Variants in EIF5B observed in about 807,000 individuals in gnomAD.
EIF5B encodes the protein eIF-5B.
EIF5B carries 47 observed loss-of-function variants against 147.5 expected under a neutral mutation model. That is an observed-to-expected ratio of 0.32 (90% CI 0.25 to 0.41). EIF5B has a LOEUF of 0.41. Among genes scored for constraint, EIF5B ranks in the 10% least tolerant of loss-of-function variants. The pLI is 1.00. For synonymous variants in EIF5B, 455 were observed against 456.2 expected, an observed-to-expected ratio of 1.00 and a Z score of 0.03; for missense variants, 1,064 against 1,413.2, an observed-to-expected ratio of 0.75 and a Z score of 3.96.
intron 21 of EIF5B, among the ~76,000 whole-genome samples, chr2:99,396,483 C>A (rs760450341): frequency 6.6e-6 from 1 of 152,202 alleles, no homozygotes. Context: ...GAACAGAATG[C>A]TCCTGTGATG....
chr2:99,360,208 A>G (rs1381517134), intron 1 of EIF5B, 28 bp from the exon 2 acceptor site: 5 of 1,565,350 alleles, frequency 3.2e-6, no homozygotes, highest in East Asian at 2.3e-5. Flanking sequence ...TTTAAGTAGC[A>G]TTTAGGATGT....
At chr2:99,386,048 A>G (rs1199093710) in intron 14 of EIF5B, among the ~76,000 whole-genome samples, 1 of 152,258 alleles carries the variant, frequency 6.6e-6, no homozygotes, top group South Asian at 2.1e-4. Context: ...CATTACATGT[A>G]TAAAGGGTTT....
In EIF5B at chr2:99,361,769, G is replaced by A. The variant is rs1435089342; in HGVS notation, c.868G>A (p.Gly290Arg). 1.9e-6 allele frequency: 3 copies of A among 1,575,256 alleles called. No individual in the cohort carries two copies. The highest frequency in any genetic ancestry group is 1.7e-6 in the Non-Finnish European group (2 of 1,170,078). Residue 290 changes from glycine (G) to arginine (R), a missense_variant, in exon 4 of 24, where the codon GGA becomes AGA. Coordinates refer to ENST00000289371, the MANE Select transcript of EIF5B (RefSeq NM_015904.4). ...TVKSKVTVDT[G>R]VIPASEEKAE... ...AAAATCCAAAGTGACTGTTGATACT[G>A]GAGTAATTCCTGCCTCTGAAGAGAA...
Position 99,376,539 on chromosome 2 carries a change from A to T in EIF5B, c.1745A>T (p.Lys582Met), listed in dbSNP as rs1674567734. The stretch of plus-strand genomic sequence containing the variant: ...GATTCAGGGAAGACATTAGATAAAA[A>T]GCCAAGTAAAGAAATGAGCTCAGAT... ...EKDSGKTLDKKPSKEMSSDSE... is the reference protein window; with the variant it reads ...EKDSGKTLDKMPSKEMSSDSE... Residue 582 changes from lysine (K) to methionine (M), a missense_variant, in exon 10 of 24, where the codon AAG becomes ATG. Lys to Met is a moderately conservative substitution (Grantham distance 95). Around this residue, in one of 4 missense-constraint regions of EIF5B, gnomAD observed 195 missense variants for 186.3 expected, o/e 1.05. Transcript: ENST00000289371. 6.2e-7 allele frequency: 1 copy of T among 1,613,990 alleles called. No individual in the cohort carries two copies. Among genetic ancestry groups the T allele is most frequent in the Non-Finnish European group, 8.5e-7 (1 of 1,180,012 alleles).
intron 1 of EIF5B, among the ~76,000 whole-genome samples, chr2:99,349,244 A>G (rs2094279176): frequency 6.6e-6 from 1 of 152,338 alleles, no homozygotes; most frequent in Non-Finnish European, 1.5e-5. Flanking sequence ...TGCAGTGGGT[A>G]AAGAGGCATT....
chr2:99,382,171 A>G lies in EIF5B; in HGVS notation c.2074A>G (p.Asn692Asp). Residue 692 changes from asparagine to aspartate, a missense_variant, in exon 13 of 24, where the codon AAT becomes GAT. This residue lies in a region of EIF5B where 380 missense variants were observed against 715.6 expected (regional missense o/e 0.53). Transcript: ENST00000289371. Reference protein sequence around the residue: ...TKMIKNFDRENVRIPGMLIID... With the variant: ...TKMIKNFDREDVRIPGMLIID... ...CCATTGTTTCTAGTTTGATAGAGAGAATGTACGGATTCCAGGAATGCTAAT... is the reference window on the plus strand; with the variant it reads ...CCATTGTTTCTAGTTTGATAGAGAGGATGTACGGATTCCAGGAATGCTAAT... The G allele has an allele frequency of 1.2e-6, 2 of 1,612,942 alleles. No individual in the cohort carries two copies. The highest frequency in any genetic ancestry group is 1.7e-6 in the Non-Finnish European group (2 of 1,179,348).
chr2:99,389,894 G>T, intron 15 of EIF5B, 45 bp downstream of exon 15: 1 of 1,561,702 alleles, frequency 6.4e-7, no homozygotes, highest in East Asian at 2.3e-5. Flanking sequence ...CTCAGAATAT[G>T]TATTATATTA....
In EIF5B at chr2:99,400,554, T is replaced by C. The variant is rs1675230569; in HGVS notation, c.*1140T>C. 3 of 152,206 alleles carry C rather than the reference T, an allele frequency of 2.0e-5. No homozygotes were observed. Among genetic ancestry groups the C allele is most frequent in the South Asian group, 2.1e-4 (1 of 4,834 alleles). 9.4% of individuals were successfully genotyped at this position (152,206 alleles called of 1,614,324 possible). ...ATATTTTATATACGTTTGAAAAATC[T>C]ATACCGTTCTTTTTTATCATCAAAG... On this transcript the variant is annotated 3_prime_UTR_variant, in exon 24 of 24. Coordinates refer to ENST00000289371, the MANE Select transcript of EIF5B (RefSeq NM_015904.4).
chr2:99,386,632 C>T (rs1490881571), intron 14 of EIF5B, among the ~76,000 whole-genome samples: 21 of 146,690 alleles, frequency 1.4e-4, no homozygotes, highest in Non-Finnish European at 1.9e-4. Context: ...CAGGCTCAAG[C>T]GATTCTTGTG....
chr2:99,337,493 A>T lies in EIF5B; in HGVS notation c.-62A>T. On this transcript the variant is annotated 5_prime_UTR_variant, in exon 1 of 24. Transcript: ENST00000289371. ...TGAGCGGAGACCAAAGTCAGCCGGG[A>T]GACAGTGGGTCTGTGAGAGACCGAA... 1.1e-5 allele frequency: 18 copies of T among 1,586,854 alleles called. No individual in the cohort carries two copies. The highest frequency in any genetic ancestry group is 1.4e-5 in the Non-Finnish European group (16 of 1,165,968).
intron 1 of EIF5B, among the ~76,000 whole-genome samples, chr2:99,353,618 A>C (rs1300643117): frequency 6.6e-6 from 1 of 152,218 alleles, no homozygotes; most frequent in Non-Finnish European, 1.5e-5. Context: ...CAAGATGCAG[A>C]ATATCAGTGC....
At chr2:99,353,439 G>A (rs544914787) in intron 1 of EIF5B, among the ~76,000 whole-genome samples, 10 of 152,324 alleles carry the variant, frequency 6.6e-5, no homozygotes, top group African/African-American at 2.4e-4. Context: ...GATTACAGGC[G>A]TGAGCCACTG....
At position 99,394,494 on chromosome 2, in the gene EIF5B, C is replaced by T. The variant is rs376143186; in HGVS notation, c.3013-15C>T. ...TGATACATACAGATAAACATGGAAA[C>T]TCCCATTTTTTCAGTATGCAGGAAT... On this transcript the variant is annotated splice_polypyrimidine_tract_variant and intron_variant, in intron 19 of 23. Transcript: ENST00000289371. The T allele has an allele frequency of 1.6e-4, 258 of 1,613,892 alleles. 2 individuals are homozygous for T. Among genetic ancestry groups the T allele is most frequent in the South Asian group, 8.7e-4 (79 of 91,074 alleles).
chr2:99,347,808 C>T lies in EIF5B; in HGVS notation c.35+10219C>T, dbSNP rs999963725. On this transcript the variant is annotated intron_variant, in intron 1 of 23. Coordinates refer to ENST00000289371, the MANE Select transcript of EIF5B (RefSeq NM_015904.4). ...TGTGCATCTGATCTTTTTCATCAAC[C>T]GGAAACAATTTTGGGGGGTAGGGGT... is the stretch of plus-strand genomic sequence containing the variant. Among the ~76,000 whole-genome samples, 8 of 151,912 alleles carry T rather than the reference C, an allele frequency of 5.3e-5. No homozygotes were observed. In the South Asian group the frequency reaches 6.2e-4, roughly 12 times the overall value.
chr2:99,373,387 C>A (rs947450961), intron 9 of EIF5B, among the ~76,000 whole-genome samples: 2 of 152,156 alleles, frequency 1.3e-5, no homozygotes, highest in African/African-American at 4.8e-5. Flanking sequence ...CTTGGTGCTG[C>A]ATCCTCCAGA....
At chr2:99,399,119 T>C (rs927270275) in intron 23 of EIF5B, 188 bp from the exon 24 acceptor site, 3 of 776,208 alleles carry the variant, frequency 3.9e-6, no homozygotes, top group Non-Finnish European at 6.1e-6. Context: ...CTAGGACTTT[T>C]AGGTCCCCTC....
intron 6 of EIF5B, among the ~76,000 whole-genome samples, chr2:99,366,126 T>G (rs948441825): frequency 6.6e-6 from 1 of 152,214 alleles, no homozygotes; most frequent in African/African-American, 2.4e-5. Flanking sequence ...ATCAATAATT[T>G]GTAATAAACT....
intron 1 of EIF5B, among the ~76,000 whole-genome samples, chr2:99,347,569 C>T (rs2094275986): frequency 6.6e-6 from 1 of 151,700 alleles, no homozygotes; most frequent in Non-Finnish European, 1.5e-5. Flanking sequence ...ACTGATGCTG[C>T]TTGTCCTATA....
In EIF5B at chr2:99,384,152, G is replaced by A. The variant is rs546941344; in HGVS notation, c.2271+1231G>A. The stretch of plus-strand genomic sequence containing the variant: ...GCGGAGCTTGCAGTGAGCCGAGATC[G>A]CGCCACTGCACTCCAGCCTGGGTGA... On this transcript the variant is annotated intron_variant, in intron 14 of 23. Transcript: ENST00000289371. 1.4e-4 allele frequency among the ~76,000 whole-genome samples: 18 copies of A among 133,286 alleles called. No individual in the cohort carries two copies. The South Asian group carries it at 3.5e-3, about 26-fold the overall frequency. 87.4% of individuals were successfully genotyped at this position (133,286 alleles called of 152,430 possible).
Sources: allele counts gnomAD v4.1 joint callset (sites outside exome capture counted in the v4.1 genomes callset), GRCh38; gene constraint gnomAD v4.1.1; regional missense constraint gnomAD v4.1.1; transcripts MANE v1.5; gene names NCBI Gene and HGNC (gene_info 2026-07-23, HGNC 2026-07-21).